The following AFG2A variants were observed in gnomAD, a reference collection of about 807,000 sequenced individuals.
AFG2A encodes ATPase family gene 2 protein homolog A.
At chr4:123,303,240 T>A in the AFG2A span, among the ~76,000 whole-genome samples, 6 of 152,206 alleles carry the variant, frequency 3.9e-5, no homozygotes. Flanking sequence ...CTCTGTGGAA[T>A]AATCAATTTT....
At chr4:123,280,815 C>A in the AFG2A span, among the ~76,000 whole-genome samples, 3 of 152,120 alleles carry the variant, frequency 2.0e-5, no homozygotes, top group Non-Finnish European at 2.9e-5. Flanking sequence ...TGACATGTAA[C>A]ATAACATATT....
At chr4:123,317,336 A>G in the AFG2A span, 1 of 152,238 alleles carries the variant, frequency 6.6e-6, no homozygotes, top group East Asian at 1.9e-4. Context: ...CTCAAAACCT[A>G]CAAATTAACC....
the AFG2A span, among the ~76,000 whole-genome samples, chr4:123,041,179 C>T: frequency 6.6e-6 from 1 of 151,604 alleles, no homozygotes; most frequent in Non-Finnish European, 1.5e-5. Flanking sequence ...GGTGCAATCT[C>T]AGCTCACTGC....
At chr4:123,098,884 A>G in the AFG2A span, among the ~76,000 whole-genome samples, 1,639 of 152,146 alleles carry the variant, frequency 0.011, 35 homozygotes, top group South Asian at 0.096. Context: ...TATACTCAAT[A>G]GTGGAATTGC....
chr4:123,029,113 A>C, the AFG2A span, among the ~76,000 whole-genome samples: 6 of 152,328 alleles, frequency 3.9e-5, no homozygotes, highest in Admixed American at 3.3e-4. Context: ...ATCTGTTTTG[A>C]TATTACCAGG....
At chr4:123,215,500 C>G in the AFG2A span, among the ~76,000 whole-genome samples, 4 of 152,136 alleles carry the variant, frequency 2.6e-5, no homozygotes, top group Admixed American at 1.3e-4. Flanking sequence ...GATAAGAAAA[C>G]GTGAAGCTCT....
At chr4:123,087,475 G>C in the AFG2A span, among the ~76,000 whole-genome samples, 1 of 152,198 alleles carries the variant, frequency 6.6e-6, no homozygotes, top group African/African-American at 2.4e-5. Flanking sequence ...TTGAGGAGCA[G>C]GCCTTTTTAA....
chr4:123,020,621 G>T, the AFG2A span, among the ~76,000 whole-genome samples: 2 of 151,568 alleles, frequency 1.3e-5, no homozygotes, highest in African/African-American at 2.4e-5. Flanking sequence ...TTTTAATTGG[G>T]ATTATAATGT....
At chr4:123,075,236 G>A in the AFG2A span, among the ~76,000 whole-genome samples, 6 of 152,112 alleles carry the variant, frequency 3.9e-5, no homozygotes, top group East Asian at 1.9e-4. Context: ...GAGCCACCAC[G>A]CCCAGCCTGT....
the AFG2A span, among the ~76,000 whole-genome samples, chr4:122,936,516 A>AACATTTGTC: frequency 6.6e-6 from 1 of 152,196 alleles, no homozygotes; most frequent in Non-Finnish European, 1.5e-5. Flanking sequence ...GTTATGTTAT[A>AACATTTGTC]CTTTGCTTCA....
chr4:122,934,480 A>T, the AFG2A span: 1 of 1,614,256 alleles, frequency 6.2e-7, no homozygotes, highest in Non-Finnish European at 8.5e-7. Flanking sequence ...TGAATCTGCC[A>T]GAGAAGGAAA....
At chr4:122,985,840 T>C in the AFG2A span, among the ~76,000 whole-genome samples, 2 of 151,700 alleles carry the variant, frequency 1.3e-5, no homozygotes, top group African/African-American at 2.4e-5. Flanking sequence ...TTCTTGTTTC[T>C]CTAATTCCTT....
chr4:123,295,982 GA>G, the AFG2A span, among the ~76,000 whole-genome samples: 1 of 152,216 alleles, frequency 6.6e-6, no homozygotes, highest in African/African-American at 2.4e-5. Context: ...GGTGGCAGGA[GA>G]GGTGGGAAAG....
At chr4:123,037,472 A>T in the AFG2A span, among the ~76,000 whole-genome samples, 1 of 152,106 alleles carries the variant, frequency 6.6e-6, no homozygotes, top group African/African-American at 2.4e-5. Flanking sequence ...TCAGTAAAGC[A>T]CATGCTATCT....
the AFG2A span, among the ~76,000 whole-genome samples, chr4:122,997,464 T>G: frequency 6.6e-6 from 1 of 152,210 alleles, no homozygotes; most frequent in Non-Finnish European, 1.5e-5. Flanking sequence ...GCAGCATGTA[T>G]CAGTATTTAA....
chr4:123,007,645 ACACAC>A, the AFG2A span, among the ~76,000 whole-genome samples: 1 of 32,304 alleles, frequency 3.1e-5, no homozygotes. Context: ...CACACACAAC[ACACAC>A]ACACACACAC....
At chr4:122,933,120 A>T in the AFG2A span, among the ~76,000 whole-genome samples, 2 of 152,186 alleles carry the variant, frequency 1.3e-5, no homozygotes, top group Non-Finnish European at 2.9e-5. Flanking sequence ...CCCTTTCTAT[A>T]TTCAGTGTAC....
chr4:123,317,431 T>C, the AFG2A span: 1 of 152,168 alleles, frequency 6.6e-6, no homozygotes, highest in African/African-American at 2.4e-5. Flanking sequence ...TCTCAGAGGA[T>C]TCCAAAAGCT....
the AFG2A span, among the ~76,000 whole-genome samples, chr4:123,281,988 A>G: frequency 1.3e-5 from 2 of 151,974 alleles, no homozygotes; most frequent in East Asian, 3.8e-4. Context: ...CAGTGTAACT[A>G]CTGTATTCAC....
Sources: allele counts gnomAD v4.1 joint callset (sites outside exome capture counted in the v4.1 genomes callset), GRCh38; gene constraint gnomAD v4.1.1; transcripts MANE v1.5; gene names NCBI Gene and HGNC (gene_info 2026-07-23, HGNC 2026-07-21).